Variants in ERICH5 observed in about 807,000 individuals in gnomAD.
ERICH5 encodes the protein glutamate-rich protein 5.
In ERICH5, 24 loss-of-function variants were observed where a neutral mutation model predicts 28.0. That is an observed-to-expected ratio of 0.86 (90% CI 0.62 to 1.21). The LOEUF is 1.21. ERICH5 is among the 50% of genes most tolerant of loss of function. The pLI is 0.00. For synonymous variants in ERICH5, 163 were observed against 157.6 expected (o/e 1.03, Z -0.25); for missense variants, 421 against 441.2 (o/e 0.95, Z 0.41).
At chr8:98,065,773 G>A (rs1013491833) in intron 1 of ERICH5, among the ~76,000 whole-genome samples, 4 of 152,168 alleles carry the variant, frequency 2.6e-5, no homozygotes, top group Admixed American at 2.6e-4. Context: ...GAACTTTAGC[G>A]GGGATTTTGT....
intron 1 of ERICH5, among the ~76,000 whole-genome samples, chr8:98,082,134 G>A (rs780157253): frequency 2.0e-5 from 3 of 152,116 alleles, no homozygotes; most frequent in Non-Finnish European, 4.4e-5. Flanking sequence ...CGAAGTAAAT[G>A]TGGCCCTGCC....
intron 1 of ERICH5, among the ~76,000 whole-genome samples, chr8:98,065,091 C>T (rs1478994704): frequency 6.6e-6 from 1 of 152,160 alleles, no homozygotes. Context: ...CCTATCAAGG[C>T]CTTCTACCAA....
chr8:98,066,222 G>A (rs955384110), intron 1 of ERICH5, among the ~76,000 whole-genome samples: 1 of 152,182 alleles, frequency 6.6e-6, no homozygotes, highest in African/African-American at 2.4e-5. Flanking sequence ...AAATTAAGTA[G>A]AGTTTTGCAT....
intron 1 of ERICH5, among the ~76,000 whole-genome samples, chr8:98,073,589 C>T (rs1314429326): frequency 2.2e-5 from 3 of 137,360 alleles, no homozygotes; most frequent in African/African-American, 8.1e-5. Flanking sequence ...GTCGCCCAGG[C>T]TGGAGTGCAG....
intron 1 of ERICH5, among the ~76,000 whole-genome samples, chr8:98,082,443 C>T (rs1008833568): frequency 6.6e-6 from 1 of 152,074 alleles, no homozygotes; most frequent in African/African-American, 2.4e-5. Flanking sequence ...GTCGGGAGTT[C>T]GAGACCAGCC....
At chr8:98,072,567 G>A (rs11994381) in intron 1 of ERICH5, among the ~76,000 whole-genome samples, 3,814 of 152,268 alleles carry the variant, frequency 0.025, 153 homozygotes, top group African/African-American at 0.086. Flanking sequence ...GAACCTGGGA[G>A]GTAGAGGTTG....
At chr8:98,088,211 G>A (rs1230203145) in intron 1 of ERICH5, among the ~76,000 whole-genome samples, 1 of 152,178 alleles carries the variant, frequency 6.6e-6, no homozygotes, top group Non-Finnish European at 1.5e-5. Flanking sequence ...AAGCAGAACT[G>A]CTGGGTCAAA....
chr8:98,082,682 G>A (rs1815204857), intron 1 of ERICH5, among the ~76,000 whole-genome samples: 1 of 151,840 alleles, frequency 6.6e-6, no homozygotes, highest in South Asian at 2.1e-4. Flanking sequence ...GATCGGCCTG[G>A]GCAACATAGA....
chr8:98,088,350 C>T (rs545738542), intron 1 of ERICH5, among the ~76,000 whole-genome samples: 3 of 152,318 alleles, frequency 2.0e-5, no homozygotes, highest in East Asian at 3.9e-4. Flanking sequence ...GAGAGATTCA[C>T]TGCTGTTTTA....
chr8:98,084,299 A>G (rs1318629030), intron 1 of ERICH5, among the ~76,000 whole-genome samples: 1 of 151,782 alleles, frequency 6.6e-6, no homozygotes, highest in African/African-American at 2.4e-5. Flanking sequence ...TTTACTTCTC[A>G]TTTCTGAGTC....
intron 1 of ERICH5, among the ~76,000 whole-genome samples, chr8:98,082,682 G>C (rs1815204857): frequency 6.6e-6 from 1 of 151,840 alleles, no homozygotes; most frequent in African/African-American, 2.4e-5. Flanking sequence ...GATCGGCCTG[G>C]GCAACATAGA....
At chr8:98,070,416 G>T (rs1255127736) in intron 1 of ERICH5, among the ~76,000 whole-genome samples, 1 of 151,596 alleles carries the variant, frequency 6.6e-6, no homozygotes, top group African/African-American at 2.4e-5. Context: ...CAGCACTTTG[G>T]GAGGCTAAGG....
At chr8:98,079,165 CCTTTTTTTTT>C (rs1815123205) in intron 1 of ERICH5, among the ~76,000 whole-genome samples, 5 of 46,498 alleles carry the variant, frequency 1.1e-4, no homozygotes, top group Non-Finnish European at 3.2e-4. Context: ...TTTTTTTTTT[CCTTTTTTTTT>C]TTTTTTTTTT....
At chr8:98,092,605 A>G (rs762749700) in intron 2 of ERICH5, among the ~76,000 whole-genome samples, 32 of 152,172 alleles carry the variant, frequency 2.1e-4, no homozygotes, top group Non-Finnish European at 4.4e-4. Context: ...ACACCTGGCC[A>G]TGAACTTTCT....
chr8:98,087,220 A>G (rs1415683816), intron 1 of ERICH5, among the ~76,000 whole-genome samples: 2 of 152,170 alleles, frequency 1.3e-5, no homozygotes, highest in Non-Finnish European at 2.9e-5. Flanking sequence ...AAAGGTCCAA[A>G]CTGAAAAATC....
In ERICH5 at chr8:98,085,053, A is replaced by G. The variant is rs564938195; in HGVS notation, c.59-4023A>G. 7.6e-4 allele frequency among the ~76,000 whole-genome samples: 116 copies of G among 151,682 alleles called. 2 individuals carry two copies. Among genetic ancestry groups the G allele is most frequent in the South Asian group, 4.6e-3 (22 of 4,814 alleles). ...TTTTACTCAGCATAATTATTCCGAA[A>G]ATCATCCATGTTGTTGCACTTATCA... is the stretch of plus-strand genomic sequence containing the variant. On this transcript the variant is annotated intron_variant, in intron 1 of 2. Transcript: ENST00000318528.
chr8:98,080,054 C>T (rs1342228014), intron 1 of ERICH5, among the ~76,000 whole-genome samples: 1 of 152,158 alleles, frequency 6.6e-6, no homozygotes, highest in Non-Finnish European at 1.5e-5. Flanking sequence ...AGAAAGAGGC[C>T]TTCCCCACCA....
chr8:98,072,811 C>G (rs1814942358), intron 1 of ERICH5, among the ~76,000 whole-genome samples: 1 of 152,122 alleles, frequency 6.6e-6, no homozygotes, highest in Admixed American at 6.5e-5. Context: ...TTGCTTATTT[C>G]TTTTCCTCAC....
intron 1 of ERICH5, among the ~76,000 whole-genome samples, chr8:98,081,525 C>G (rs1251624881): frequency 6.6e-6 from 1 of 152,216 alleles, no homozygotes; most frequent in Non-Finnish European, 1.5e-5. Flanking sequence ...AGTATTATCT[C>G]ATGTAATCCT....
Sources: gnomAD v4.1 joint callset for allele counts (sites outside exome capture counted in the v4.1 genomes callset) on GRCh38, gnomAD v4.1.1 for gene constraint, MANE v1.5 for transcripts, NCBI Gene and HGNC (gene_info 2026-07-23, HGNC 2026-07-21) for gene names.